Variants in RCSD1 observed in about 807,000 individuals in gnomAD.
The protein encoded by RCSD1 is RCSD domain containing 1, also known as capZ-interacting protein.
Under a neutral mutation model 42.5 loss-of-function variants are expected in RCSD1, and 26 were observed. The observed-to-expected ratio is 0.61, with a 90% CI of 0.45 to 0.85. The LOEUF (loss-of-function observed/expected upper bound fraction) is 0.85, where lower values mean the gene tolerates loss of function less well. Ranked by LOEUF, RCSD1 falls within the 40% of genes least tolerant of loss-of-function variation. The pLI, the probability that RCSD1 is intolerant of heterozygous loss-of-function variation, is 0.00. For missense variants in RCSD1, 571 were observed against 528.3 expected, an observed-to-expected ratio of 1.08 and a Z score of -0.79; for synonymous variants, 220 against 212.2, an observed-to-expected ratio of 1.04 and a Z score of -0.32.
At chr1:167,661,358 T>C (rs1658538186) in intron 1 of RCSD1, among the ~76,000 whole-genome samples, 1 of 152,204 alleles carries the variant, frequency 6.6e-6, no homozygotes, top group Non-Finnish European at 1.5e-5. Context: ...AGGGCCTAGT[T>C]CTGGATCTTC....
At position 167,707,544 on chromosome 1, in the gene RCSD1, T is replaced by C. The variant is rs947962224; in HGVS notation, c.*2848T>C. Among the ~76,000 whole-genome samples, 5 of 152,188 alleles carry C rather than the reference T, an allele frequency of 3.3e-5. No homozygotes were observed. Among genetic ancestry groups the C allele is most frequent in the Admixed American group, 6.5e-5 (1 of 15,282 alleles). On this transcript the variant is annotated 3_prime_UTR_variant, in exon 7 of 7. Transcript: ENST00000367854. ...CCCAAGTGATGTCAGGAATCTCTCA[T>C]GGTATTGGTCTCTGCTTTCCCTCGT... is the stretch of plus-strand genomic sequence containing the variant.
chr1:167,642,660 T>C (rs1160074732), intron 1 of RCSD1, among the ~76,000 whole-genome samples: 1 of 152,202 alleles, frequency 6.6e-6, no homozygotes, highest in African/African-American at 2.4e-5. Context: ...TAGGTGGCTC[T>C]TGGGAGGTGA....
chr1:167,697,606 G>A lies in RCSD1; in HGVS notation c.982G>A (p.Gly328Arg), dbSNP rs1420551090. 6.2e-6 allele frequency: 10 copies of A among 1,607,746 alleles called. No homozygotes were observed. Among genetic ancestry groups the A allele is most frequent in the Non-Finnish European group, 8.5e-7 (1 of 1,177,266 alleles). Residue 328 changes from glycine to arginine, a missense_variant, in exon 6 of 7, where the codon GGA becomes AGA. Coordinates refer to ENST00000367854, the MANE Select transcript of RCSD1 (RefSeq NM_052862.4). ...KGERVQNEEV[G>R]PEHDSQETKK... The stretch of plus-strand genomic sequence containing the variant: ...GGAGAGGGTGCAAAATGAAGAGGTG[G>A]GACCTGAACATGACAGCCAAGAAAC...
chr1:167,677,971 C>A (rs72697722), intron 1 of RCSD1, among the ~76,000 whole-genome samples: 6,538 of 152,294 alleles, frequency 0.043, 203 homozygotes, highest in Middle Eastern at 0.099. Context: ...CACAGCTTGA[C>A]TTTTCCCTTT....
At chr1:167,632,055 A>G (rs1657714861) in intron 1 of RCSD1, among the ~76,000 whole-genome samples, 2 of 152,372 alleles carry the variant, frequency 1.3e-5, no homozygotes, top group South Asian at 2.1e-4. Flanking sequence ...GCACGCACAC[A>G]GCGAAGCTCA....
chr1:167,678,835 C>A (rs1190828076), intron 1 of RCSD1, among the ~76,000 whole-genome samples: 5 of 152,204 alleles, frequency 3.3e-5, no homozygotes, highest in Non-Finnish European at 5.9e-5. Context: ...CTTTTCTCTG[C>A]CCCTCAACCT....
intron 1 of RCSD1, among the ~76,000 whole-genome samples, chr1:167,639,028 T>C (rs1394320047): frequency 1.3e-5 from 2 of 152,090 alleles, no homozygotes; most frequent in Non-Finnish European, 1.5e-5. Flanking sequence ...CCATCCTGGC[T>C]AACACGATAA....
At chr1:167,701,401 G>A (rs1237587782) in intron 6 of RCSD1, among the ~76,000 whole-genome samples, 1 of 151,550 alleles carries the variant, frequency 6.6e-6, no homozygotes, top group African/African-American at 2.4e-5. Flanking sequence ...TGCCTCCCAG[G>A]TTCAAGTAAT....
intron 1 of RCSD1, chr1:167,633,887 ACC>A (rs1426512408): frequency 8.5e-5 from 13 of 152,222 alleles, no homozygotes; most frequent in African/African-American, 3.1e-4. Flanking sequence ...AAGAGTAAAG[ACC>A]ATGCGCTGGA....
intron 2 of RCSD1, among the ~76,000 whole-genome samples, chr1:167,684,686 C>T (rs1018230792): frequency 2.6e-5 from 4 of 152,068 alleles, no homozygotes; most frequent in Admixed American, 6.6e-5. Context: ...ACCAGCCTGA[C>T]CAACATGGAG....
At chr1:167,704,251 C>T (rs1224407397) in intron 6 of RCSD1, among the ~76,000 whole-genome samples, 2 of 152,092 alleles carry the variant, frequency 1.3e-5, no homozygotes, top group African/African-American at 4.8e-5. Context: ...CAGGAGAGCA[C>T]ATTGAATGGG....
intron 1 of RCSD1, among the ~76,000 whole-genome samples, chr1:167,677,364 A>G (rs1292229243): frequency 6.6e-6 from 1 of 152,206 alleles, no homozygotes; most frequent in Non-Finnish European, 1.5e-5. Context: ...AGCCAAAGAA[A>G]TCTTCTGGCC....
intron 1 of RCSD1, among the ~76,000 whole-genome samples, chr1:167,634,311 T>C (rs1390500899): frequency 6.6e-6 from 1 of 152,044 alleles, no homozygotes; most frequent in Admixed American, 6.5e-5. Flanking sequence ...CTTATATATT[T>C]AGAGCCTAAT....
At chr1:167,695,511 A>G (rs530187649) in intron 5 of RCSD1, among the ~76,000 whole-genome samples, 1 of 150,550 alleles carries the variant, frequency 6.6e-6, no homozygotes, top group East Asian at 2.0e-4. Context: ...GGAAAATAAC[A>G]TTTACAAAAA....
chr1:167,680,486 G>GTTTTTGT (rs1177494201), intron 1 of RCSD1, among the ~76,000 whole-genome samples: 6 of 146,666 alleles, frequency 4.1e-5, no homozygotes, highest in African/African-American at 1.6e-4. Context: ...TTTTGTTTTT[G>GTTTTTGT]TTTTTTTCAG....
chr1:167,696,329 A>T (rs1204004057), intron 5 of RCSD1, among the ~76,000 whole-genome samples: 1 of 152,064 alleles, frequency 6.6e-6, no homozygotes, highest in Non-Finnish European at 1.5e-5. Flanking sequence ...ACAAGATAAA[A>T]GTCTGACTCT....
At chr1:167,660,158 G>C (rs549336404) in intron 1 of RCSD1, among the ~76,000 whole-genome samples, 3 of 152,254 alleles carry the variant, frequency 2.0e-5, no homozygotes, top group African/African-American at 7.2e-5. Context: ...TTTTACATGT[G>C]CTCTCTTGTT....
At chr1:167,656,457 G>T (rs1658428424) in intron 1 of RCSD1, among the ~76,000 whole-genome samples, 1 of 152,122 alleles carries the variant, frequency 6.6e-6, no homozygotes, top group East Asian at 1.9e-4. Context: ...CCACTATTGA[G>T]GTTCTTCTTT....
At chr1:167,644,626 T>C (rs1658089033) in intron 1 of RCSD1, among the ~76,000 whole-genome samples, 1 of 152,140 alleles carries the variant, frequency 6.6e-6, no homozygotes, top group African/African-American at 2.4e-5. Context: ...AGGTAGGAAA[T>C]GGGAAGGAGA....
Sources: allele counts gnomAD v4.1 joint callset (sites outside exome capture counted in the v4.1 genomes callset), GRCh38; gene constraint gnomAD v4.1.1; transcripts MANE v1.5; gene names NCBI Gene and HGNC (gene_info 2026-07-23, HGNC 2026-07-21).